Variants in KCNIP1 observed in about 807,000 individuals in gnomAD.
The protein encoded by KCNIP1 is A-type potassium channel modulatory protein KCNIP1.
A neutral mutation model predicts 33.0 loss-of-function variants in KCNIP1; 18 were observed. The ratio of observed to expected loss-of-function variants is 0.55; its 90% confidence interval spans 0.38 to 0.81. The LOEUF is 0.81. KCNIP1 is among the 30% of genes least tolerant of loss of function. The probability of loss-of-function intolerance (pLI) is 0.00; values close to 1 mark genes in which losing one functional copy is unlikely to be tolerated. For missense variants in KCNIP1, 238 were observed against 271.6 expected, an observed-to-expected ratio of 0.88 and a Z score of 0.87; for synonymous variants, 93 against 98.3, an observed-to-expected ratio of 0.95 and a Z score of 0.32.
chr5:170,709,027 A>G (rs1763355738), intron 1 of KCNIP1, among the ~76,000 whole-genome samples: 1 of 152,242 alleles, frequency 6.6e-6, no homozygotes, highest in African/African-American at 2.4e-5. Flanking sequence ...TATAACTTCA[A>G]TTCTTTAAAG....
rs188007696 is a variant in KCNIP1, at chr5:170,448,278, G to A, written c.88+94314G>A. Among the ~76,000 whole-genome samples the A allele has an allele frequency of 7.5e-4, 114 of 152,338 alleles. 1 individual carries two copies. The highest frequency in any genetic ancestry group is 2.6e-3 in the African/African-American group (107 of 41,582). On this transcript the variant is annotated intron_variant, in intron 1 of 7. Transcript: ENST00000377360. The stretch of plus-strand genomic sequence containing the variant: ...AGCAGCTTCAGTTTTTGGACTCAGG[G>A]CAATTGCCCTGTTCCAGGAAACCCC...
chr5:170,645,711 A>G (rs1006362234), intron 1 of KCNIP1, among the ~76,000 whole-genome samples: 2 of 152,240 alleles, frequency 1.3e-5, no homozygotes, highest in Admixed American at 6.5e-5. Context: ...AAGATAGGCC[A>G]CATTCTGAGT....
chr5:170,578,383 G>A (rs971960720), intron 1 of KCNIP1, among the ~76,000 whole-genome samples: 1 of 152,172 alleles, frequency 6.6e-6, no homozygotes. Flanking sequence ...GGGTGGGAGT[G>A]GGGGAACTGG....
chr5:170,501,006 A>G (rs1757399528), upstream of KCNIP1, among the ~76,000 whole-genome samples: 1 of 152,190 alleles, frequency 6.6e-6, no homozygotes, highest in Admixed American at 6.5e-5. Flanking sequence ...TTTATTCAGC[A>G]TAGGTTGGCT....
intron 1 of KCNIP1, among the ~76,000 whole-genome samples, chr5:170,602,451 T>A (rs12716258): frequency 0.55 from 84,029 of 152,178 alleles, 24,387 homozygotes; most frequent in Non-Finnish European, 0.64. Flanking sequence ...GGTGCCCAGT[T>A]ACAGCAGTTG....
upstream of KCNIP1, chr5:170,503,991 G>GCCCCCTCCGCCGCCCCCTCCGCCC: frequency 1.8e-6 from 1 of 552,606 alleles, no homozygotes; most frequent in South Asian, 7.7e-5. Context: ...CCCGCCCGCC[G>GCCCCCTCCGCCGCCCCCTCCGCCC]CCCCCTCCGC....
At chr5:170,443,191 G>T (rs987920056) in intron 1 of KCNIP1, among the ~76,000 whole-genome samples, 3 of 152,154 alleles carry the variant, frequency 2.0e-5, no homozygotes, top group Non-Finnish European at 2.9e-5. Flanking sequence ...GTGATAAGTT[G>T]ATGAGCAGCT....
At chr5:170,576,918 G>C (rs1034929647) in intron 1 of KCNIP1, among the ~76,000 whole-genome samples, 27 of 152,276 alleles carry the variant, frequency 1.8e-4, no homozygotes, top group Admixed American at 9.1e-4. Flanking sequence ...TTCAAGCATT[G>C]CTGGTCGATT....
At chr5:170,600,749 A>G (rs1176940464) in intron 1 of KCNIP1, among the ~76,000 whole-genome samples, 1 of 152,128 alleles carries the variant, frequency 6.6e-6, no homozygotes, top group Admixed American at 6.5e-5. Flanking sequence ...TAAGCTCTGC[A>G]TCCAAAAGGG....
At chr5:170,559,587 C>T (rs1256238266) in intron 1 of KCNIP1, among the ~76,000 whole-genome samples, 3 of 152,174 alleles carry the variant, frequency 2.0e-5, no homozygotes, top group Admixed American at 6.5e-5. Context: ...GTCCTTCATA[C>T]GTACCCCTCT....
intron 1 of KCNIP1, among the ~76,000 whole-genome samples, chr5:170,572,587 A>G (rs4867981): frequency 0.41 from 62,232 of 152,146 alleles, 13,631 homozygotes; most frequent in Admixed American, 0.49. Context: ...CCTCTCTGCC[A>G]TAGGATCAAA....
At chr5:170,422,868 T>G (rs1302391665) in intron 1 of KCNIP1, 2 of 152,238 alleles carry the variant, frequency 1.3e-5, no homozygotes, top group African/African-American at 4.8e-5. Flanking sequence ...GGCGGATTGC[T>G]TGAGTCCAGG....
chr5:170,528,094 T>C (rs1755646686), intron 1 of KCNIP1, among the ~76,000 whole-genome samples: 1 of 152,136 alleles, frequency 6.6e-6, no homozygotes, highest in African/African-American at 2.4e-5. Flanking sequence ...TTGACTGCAG[T>C]AGGAGCTCAA....
At chr5:170,522,002 A>G (rs1284362140) in intron 1 of KCNIP1, among the ~76,000 whole-genome samples, 1 of 152,232 alleles carries the variant, frequency 6.6e-6, no homozygotes, top group Non-Finnish European at 1.5e-5. Flanking sequence ...TGGCCCAGGA[A>G]CAACTCTAGT....
chr5:170,733,899 G>T lies in KCNIP1; in HGVS notation c.603+1G>T. On this transcript the variant is annotated splice_donor_variant, in intron 7 of 7. Coordinates refer to ENST00000328939, the MANE Select transcript of KCNIP1 (RefSeq NM_014592.4). LOFTEE classifies it high-confidence loss of function. ...TGAATTTCTTGAATCATGTCAGGAG[G>T]TAAGGAGAGATCTCAGGGCACAATA... 1 of 1,612,518 alleles carries T rather than the reference G, an allele frequency of 6.2e-7. No homozygotes were observed. Among genetic ancestry groups the T allele is most frequent in the Non-Finnish European group, 8.5e-7 (1 of 1,178,582 alleles).
chr5:170,628,764 T>A (rs961840825), intron 1 of KCNIP1, among the ~76,000 whole-genome samples: 1 of 152,198 alleles, frequency 6.6e-6, no homozygotes, highest in Non-Finnish European at 1.5e-5. Flanking sequence ...GTGCACGCGC[T>A]TCTGGCAGGG....
At chr5:170,563,089 G>C (rs904621678) in intron 1 of KCNIP1, among the ~76,000 whole-genome samples, 3 of 152,146 alleles carry the variant, frequency 2.0e-5, no homozygotes, top group Non-Finnish European at 4.4e-5. Flanking sequence ...CAGAAGACCT[G>C]CTAGGAGAGC....
At chr5:170,366,488 C>T (rs945761340) in intron 1 of KCNIP1, among the ~76,000 whole-genome samples, 2 of 152,216 alleles carry the variant, frequency 1.3e-5, no homozygotes, top group Admixed American at 6.5e-5. Flanking sequence ...TCTCACAGGG[C>T]ACATGAGGTA....
intron 1 of KCNIP1, among the ~76,000 whole-genome samples, chr5:170,607,116 G>A (rs776321918): frequency 2.0e-5 from 3 of 152,194 alleles, no homozygotes; most frequent in Non-Finnish European, 4.4e-5. Context: ...TAGACAGGAC[G>A]GCTCCGTCTG....
Sources: gnomAD v4.1 joint callset for allele counts (sites outside exome capture counted in the v4.1 genomes callset) on GRCh38, gnomAD v4.1.1 for gene constraint, MANE v1.5 for transcripts, NCBI Gene and HGNC (gene_info 2026-07-23, HGNC 2026-07-21) for gene names.